The following AKAP3 variants were observed in gnomAD, a reference collection of about 807,000 sequenced individuals.
AKAP3 encodes A-kinase anchoring protein 3.
A neutral mutation model predicts 57.2 loss-of-function variants in AKAP3; 27 were observed. That is an observed-to-expected ratio of 0.47 (90% CI 0.35 to 0.65). The LOEUF (loss-of-function observed/expected upper bound fraction) is 0.65, where lower values mean the gene tolerates loss of function less well. AKAP3 is among the 30% of genes least tolerant of loss of function. The pLI is 0.01. For missense variants in AKAP3, 959 were observed against 1,040.0 expected, an observed-to-expected ratio of 0.92 and a Z score of 1.07; for synonymous variants, 334 against 392.3, an observed-to-expected ratio of 0.85 and a Z score of 1.76.
At chr12:4,635,142 A>G (rs1945548093) in intron 4 of AKAP3, among the ~76,000 whole-genome samples, 1 of 152,096 alleles carries the variant, frequency 6.6e-6, no homozygotes, top group Non-Finnish European at 1.5e-5. Flanking sequence ...ATTTTTCCCT[A>G]TTGCTGAAAC....
rs199800327 is a variant in AKAP3 at position 4,626,608 on chromosome 12, G to A, written c.2294C>T (p.Thr765Met). The change falls in exon 5 of 6, where the codon ACG becomes ATG. Residue 765 changes from threonine to methionine, a missense_variant. Physicochemically the swap from Thr to Met is moderately conservative, Grantham distance 81 (BLOSUM62 -1). Transcript: ENST00000228850. ...GAGTTGCTTGTTCTGAACTGTGTCC[G>A]TTAGGTTGTGATTGCTGACAATCAC... is the stretch of plus-strand genomic sequence containing the variant. Reference protein sequence around the residue: ...PTVIVSNHNLTDTVQNKQLQA... With the variant: ...PTVIVSNHNLMDTVQNKQLQA... 2.0e-5 allele frequency: 32 copies of A among 1,614,186 alleles called. No individual in the cohort carries two copies. The highest frequency in any genetic ancestry group is 1.7e-4 in the Middle Eastern group (1 of 6,060).
intron 1 of AKAP3, among the ~76,000 whole-genome samples, chr12:4,647,527 G>A (rs538056707): frequency 6.6e-6 from 1 of 152,112 alleles, no homozygotes; most frequent in South Asian, 2.1e-4. Flanking sequence ...AAAAGTCAGT[G>A]TTCTTTTAAT....
chr12:4,627,860 G>C lies in AKAP3; in HGVS notation c.1042C>G (p.Leu348Val). The C allele has an allele frequency of 6.2e-7, 1 of 1,614,138 alleles. No homozygotes were observed. Among genetic ancestry groups the C allele is most frequent in the Non-Finnish European group, 8.5e-7 (1 of 1,180,024 alleles). Residue 348 changes from leucine to valine, a missense_variant, in exon 5 of 6, where the codon CTC becomes GTC. Leu to Val is a conservative substitution (Grantham distance 32). Coordinates refer to ENST00000228850, the MANE Select transcript of AKAP3 (RefSeq NM_001278309.2). ...LRNLHSVTGT[L>V]MTDTQFVSAV... ...GAGACAAACTGTGTGTCAGTCATGA[G>C]GGTCCCTGTGACGCTGTGGAGATTC...
In AKAP3 at chr12:4,648,835, C is replaced by A. The variant is rs1338270450; in HGVS notation, c.-335G>T. 1 of 390,638 alleles carries A rather than the reference C, an allele frequency of 2.6e-6. No homozygotes were observed. The allele number at this position is 390,638 out of a possible 1,614,324, so 24.2% of individuals were successfully genotyped here. A position where few individuals can be genotyped will look rare whatever the true frequency, so the allele number is the denominator to read the frequency against. On this transcript the variant is annotated 5_prime_UTR_variant, in exon 1 of 6. The change abolishes an upstream ATG in the 5' untranslated region. Transcript: ENST00000228850. ...TTCTACCTCGGGTCTTGCCATTTTGCATGTCCTGAGTCAGTCACTGGTTAA... is the reference window on the plus strand; with the variant it reads ...TTCTACCTCGGGTCTTGCCATTTTGAATGTCCTGAGTCAGTCACTGGTTAA...
chr12:4,625,480 C>T lies in AKAP3; in HGVS notation c.2406+1016G>A, dbSNP rs1266235888. Among the ~76,000 whole-genome samples the T allele has an allele frequency of 2.0e-5, 3 of 152,116 alleles. No individual in the cohort carries two copies. Among genetic ancestry groups the T allele is most frequent in the Admixed American group, 6.5e-5 (1 of 15,276 alleles). Reference sequence around the variant, plus strand: ...TTTCCCAGTCATCAGATAAATATAGCGACCCAGTTGCAAGCGTTGCTAATA... The same window carrying T: ...TTTCCCAGTCATCAGATAAATATAGTGACCCAGTTGCAAGCGTTGCTAATA... On this transcript the variant is annotated intron_variant, in intron 5 of 5. Transcript: ENST00000228850. This position sits in a 1 kb window ranked among gnomAD's most constrained non-coding sequence, Gnocchi z 5.4.
chr12:4,621,589 G>GT (rs1945348621), intron 5 of AKAP3, among the ~76,000 whole-genome samples: 1 of 152,154 alleles, frequency 6.6e-6, no homozygotes, highest in African/African-American at 2.4e-5. Context: ...CTGTATATAA[G>GT]TGTGTAGCCT....
chr12:4,642,011 T>C lies in AKAP3; in HGVS notation c.-106-7A>G, dbSNP rs1945643044. ...GCCATGTAATATAAGGAATCTGCAA[T>C]GGAAAGACACAGATAAAAATGACTA... On this transcript the variant is annotated splice_polypyrimidine_tract_variant and splice_region_variant and intron_variant, in intron 2 of 5. Coordinates refer to ENST00000228850, the MANE Select transcript of AKAP3 (RefSeq NM_001278309.2). 6.6e-6 allele frequency: 1 copy of C among 152,164 alleles called. No individual in the cohort carries two copies. The highest frequency in any genetic ancestry group is 1.5e-5 in the Non-Finnish European group (1 of 68,022). The allele number at this position is 152,164 out of a possible 1,614,324, so 9.4% of individuals were successfully genotyped here. A position where few individuals can be genotyped will look rare whatever the true frequency, so the allele number is the denominator to read the frequency against.
chr12:4,628,466 T>C lies in AKAP3; in HGVS notation c.436A>G (p.Lys146Glu). 5.6e-6 allele frequency: 9 copies of C among 1,614,188 alleles called. No homozygotes were observed. The highest frequency in any genetic ancestry group is 7.6e-6 in the Non-Finnish European group (9 of 1,180,042). The change falls in exon 5 of 6, where the codon AAG (lysine) becomes GAG (glutamate). Residue 146 changes from lysine to glutamate, a missense_variant. By Grantham distance (56) the Lys-to-Glu change is moderately conservative (BLOSUM62 1). Transcript: ENST00000228850. The stretch of plus-strand genomic sequence containing the variant: ...CATTTGTTTTCAGAGCCATCGATCT[T>C]CTCATTGATCTCTTTGCGGGCCATG... Reference protein sequence around the residue: ...IAMARKEINEKIDGSENKCVY... With the variant: ...IAMARKEINEEIDGSENKCVY...
chr12:4,620,040 A>T (rs142750078), intron 5 of AKAP3, among the ~76,000 whole-genome samples: 35 of 152,366 alleles, frequency 2.3e-4, no homozygotes, highest in African/African-American at 8.2e-4. Context: ...TGAATAGCCT[A>T]TAAAATTCTG....
chr12:4,631,707 C>T (rs1392026274), intron 4 of AKAP3, among the ~76,000 whole-genome samples: 5 of 152,076 alleles, frequency 3.3e-5, no homozygotes, highest in Non-Finnish European at 5.9e-5. Flanking sequence ...GCTAAGAAAA[C>T]AAAGTATTTT....
intron 4 of AKAP3, chr12:4,636,117 TC>T: frequency 9.8e-7 from 1 of 1,019,400 alleles, no homozygotes; most frequent in Non-Finnish European, 1.5e-6. Context: ...ATATTTTATT[TC>T]CAGTATTTGA....
rs1370054845 is a variant in AKAP3 at position 4,627,420 on chromosome 12, A to G, written c.1482T>C (p.Phe494=). 1 of 1,613,990 alleles carries G rather than the reference A, an allele frequency of 6.2e-7. No homozygotes were observed. The highest frequency in any genetic ancestry group is 1.7e-5 in the Admixed American group (1 of 60,000). ...GGTTGCCAATATCTTCAGGGTACTC[A>G]AAGGAAATGTCTGATGCAGGCTTAC... ...TQRKPASDIS[F]EYPEDIGNLS... is the part of the protein sequence containing the mutation. The change falls in exon 5 of 6, where the codon TTT becomes TTC. Residue 494 remains phenylalanine, a synonymous_variant. Transcript: ENST00000228850.
Position 4,628,536 on chromosome 12 carries a change from A to T in AKAP3, c.366T>A (p.Asp122Glu), listed in dbSNP as rs1236584242. ...RAQLGNGSSV[D>E]EVSFYANRLT... ...GGCGGTTAGCATAGAAGGAAACTTC[A>T]TCTACTGAACTCCCGTTGCCAAGTT... is the stretch of plus-strand genomic sequence containing the variant. Residue 122 changes from aspartate to glutamate, a missense_variant, in exon 5 of 6, where the codon GAT (aspartate) becomes GAA (glutamate). Transcript: ENST00000228850. 1 of 1,614,204 alleles carries T rather than the reference A, an allele frequency of 6.2e-7. No homozygotes were observed.
Position 4,615,655 on chromosome 12 carries a change from G to T in AKAP3, c.*84C>A. 1.3e-6 allele frequency: 2 copies of T among 1,492,422 alleles called. No homozygotes were observed. Among genetic ancestry groups the T allele is most frequent in the Non-Finnish European group, 1.8e-6 (2 of 1,093,414 alleles). The allele number at this position is 1,492,422 out of a possible 1,614,324, so 92.4% of individuals were successfully genotyped here. On this transcript the variant is annotated 3_prime_UTR_variant, in exon 6 of 6. Transcript: ENST00000228850. ...TGTTAGGGCTCTGTGAGGATATAGA[G>T]GGGGAGATGTGGAAGTGAGAAAGAA...
chr12:4,626,522 C>G lies in AKAP3; in HGVS notation c.2380G>C (p.Gly794Arg), dbSNP rs61757552. The G allele has an allele frequency of 3.7e-6, 6 of 1,614,026 alleles. No homozygotes were observed. The highest frequency in any genetic ancestry group is 5.1e-6 in the Non-Finnish European group (6 of 1,179,972). ...ELNVPILYFA[G>R]DDEGIQEKLL... Reference sequence around the variant, plus strand: ...TTCTCCTGGATCCCTTCATCATCACCAGCAAAATACAAAATAGGGACATTG... The same window carrying G: ...TTCTCCTGGATCCCTTCATCATCACGAGCAAAATACAAAATAGGGACATTG... Residue 794 changes from glycine to arginine, a missense_variant, in exon 5 of 6, where the codon GGT (glycine) becomes CGT (arginine). Gly to Arg is a moderately radical substitution (Grantham distance 125). Coordinates refer to ENST00000228850, the MANE Select transcript of AKAP3 (RefSeq NM_001278309.2).
Position 4,615,615 on chromosome 12 carries a change from G to A in AKAP3, c.*124C>T, listed in dbSNP as rs1172388454. The A allele has an allele frequency of 9.9e-6, 12 of 1,213,804 alleles. No individual in the cohort carries two copies. Among genetic ancestry groups the A allele is most frequent in the South Asian group, 1.7e-5 (1 of 60,440 alleles). 75.2% of individuals were successfully genotyped at this position (1,213,804 alleles called of 1,614,324 possible). On this transcript the variant is annotated 3_prime_UTR_variant, in exon 6 of 6. Transcript: ENST00000228850. The stretch of plus-strand genomic sequence containing the variant: ...ACAAGATGACATGTCTTTGATGAGA[G>A]TGGTGTGAAGATAATGTTAGGGCTC...
In AKAP3 at chr12:4,628,427, A is replaced by G. The variant is rs1424548674; in HGVS notation, c.475T>C (p.Leu159=). The change falls in exon 5 of 6, where the codon TTG becomes CTG. Residue 159 remains leucine (L), a synonymous_variant. Coordinates refer to ENST00000228850, the MANE Select transcript of AKAP3 (RefSeq NM_001278309.2). The part of the protein sequence containing the change: ...GSENKCVYQS[L]YMGNEPTPTK... ...GGTGTGGGTTCATTCCCCATGTACA[A>G]TGACTGATAGACACATTTGTTTTCA... The G allele has an allele frequency of 6.2e-7, 1 of 1,614,090 alleles. No individual in the cohort carries two copies.
At chr12:4,616,159 T>A (rs890821750) in intron 5 of AKAP3, among the ~76,000 whole-genome samples, 2 of 152,226 alleles carry the variant, frequency 1.3e-5, no homozygotes, top group Non-Finnish European at 2.9e-5. Flanking sequence ...AAAGTCTCCA[T>A]CATTGTCCTA....
intron 2 of AKAP3, among the ~76,000 whole-genome samples, 164 bp downstream of exon 2, chr12:4,644,891 C>T (rs1467308897): frequency 1.3e-5 from 2 of 151,986 alleles, no homozygotes; most frequent in Non-Finnish European, 2.9e-5. Flanking sequence ...TCCAGTTGGG[C>T]AACAGAGTGA....
Sources: gnomAD v4.1 joint callset for allele counts (sites outside exome capture counted in the v4.1 genomes callset) on GRCh38, gnomAD v4.1.1 for gene constraint, Gnocchi (gnomAD v3.1) non-coding constraint, MANE v1.5 for transcripts, NCBI Gene and HGNC (gene_info 2026-07-23, HGNC 2026-07-21) for gene names.